The following FHL2 variants were observed in gnomAD, a reference collection of about 807,000 sequenced individuals.
FHL2 encodes four and a half LIM domains protein 2.
Under a neutral mutation model 32.7 loss-of-function variants are expected in FHL2, and 20 were observed. That is an observed-to-expected ratio of 0.61 (90% CI 0.43 to 0.89). The LOEUF (loss-of-function observed/expected upper bound fraction) is 0.89. Among genes scored for constraint, FHL2 ranks in the 40% least tolerant of loss-of-function variants. The pLI, the probability that FHL2 is intolerant of heterozygous loss-of-function variation, is 0.00. For missense variants in FHL2, 311 were observed against 358.6 expected (o/e 0.87, Z 1.07); for synonymous variants, 123 against 128.1 (o/e 0.96, Z 0.27).
intron 1 of FHL2, among the ~76,000 whole-genome samples, chr2:105,408,460 A>T (rs1683701099): frequency 1.3e-5 from 2 of 152,212 alleles, no homozygotes; most frequent in African/African-American, 4.8e-5. Flanking sequence ...TGGAACCAGC[A>T]CTTTGGCACT....
intron 4 of FHL2, among the ~76,000 whole-genome samples, chr2:105,373,248 T>C (rs566735030): frequency 5.4e-4 from 82 of 152,292 alleles, no homozygotes; most frequent in Non-Finnish European, 1.0e-3. Flanking sequence ...AAACTATCTA[T>C]GGTGGTGGGA....
At chr2:105,378,128 A>G (rs1374531599) in intron 3 of FHL2, 1 of 471,108 alleles carries the variant, frequency 2.1e-6, no homozygotes, top group East Asian at 6.9e-5. Flanking sequence ...CTGCACAGAC[A>G]TGGAAAAGCT....
At chr2:105,361,705 G>C (rs1194655383) in intron 6 of FHL2, among the ~76,000 whole-genome samples, 1 of 152,162 alleles carries the variant, frequency 6.6e-6, no homozygotes, top group Non-Finnish European at 1.5e-5. Flanking sequence ...TATTTGTTAT[G>C]TGTTTTCCCA....
chr2:105,361,895 T>C (rs966405630), intron 6 of FHL2, among the ~76,000 whole-genome samples: 2 of 152,090 alleles, frequency 1.3e-5, no homozygotes, highest in Non-Finnish European at 2.9e-5. Flanking sequence ...TAAAGTGCGA[T>C]GTGGGTGGGA....
intron 1 of FHL2, among the ~76,000 whole-genome samples, chr2:105,430,831 G>A (rs1041847085): frequency 6.6e-6 from 1 of 152,178 alleles, no homozygotes; most frequent in African/African-American, 2.4e-5. Context: ...CCATACAGAG[G>A]CCAAGATGAA....
chr2:105,409,751 T>C (rs138577602), intron 1 of FHL2, among the ~76,000 whole-genome samples: 1 of 152,330 alleles, frequency 6.6e-6, no homozygotes, highest in East Asian at 1.9e-4. Context: ...CAGGGCTGGT[T>C]GTTCTTGATT....
chr2:105,392,934 C>T (rs1682833493), intron 2 of FHL2, among the ~76,000 whole-genome samples: 1 of 148,792 alleles, frequency 6.7e-6, no homozygotes, highest in Non-Finnish European at 1.5e-5. Context: ...ATTCTCCTGT[C>T]TCAGCCTCCC....
chr2:105,386,453 G>T lies in FHL2; in HGVS notation c.64C>A (p.Arg22=). The T allele has an allele frequency of 6.2e-7, 1 of 1,614,218 alleles. No individual in the cohort carries two copies. The highest frequency in any genetic ancestry group is 8.5e-7 in the Non-Finnish European group (1 of 1,180,030). ...ESLFGKKYIL[R]EESPYCVVCF... Reference sequence around the variant, plus strand: ...ACCACGCAGTAGGGGCTCTCCTCCCGCAGGATGTACTTCTTGCCAAAGAGA... The same window carrying T: ...ACCACGCAGTAGGGGCTCTCCTCCCTCAGGATGTACTTCTTGCCAAAGAGA... The change falls in exon 3 of 7, where the codon CGG becomes AGG. Residue 22 remains arginine, a synonymous_variant. Coordinates refer to ENST00000530340, the MANE Select transcript of FHL2 (RefSeq NM_001318895.3).
intron 3 of FHL2, among the ~76,000 whole-genome samples, chr2:105,385,373 A>G (rs1219940140): frequency 6.6e-6 from 1 of 152,254 alleles, no homozygotes; most frequent in African/African-American, 2.4e-5. Flanking sequence ...AGAATGATCC[A>G]ACTGCATGCA....
chr2:105,423,367 G>C lies in FHL2; in HGVS notation c.-25+15032C>G, dbSNP rs1684162422. On this transcript the variant is annotated intron_variant, in intron 1 of 5. Coordinates refer to the FHL2 transcript ENST00000393352. ...TGGTATAATTATCTGCATTTTGCAGGAGTAGAGATTGAGGTACAAACAGAG... is the reference window on the plus strand; with the variant it reads ...TGGTATAATTATCTGCATTTTGCAGCAGTAGAGATTGAGGTACAAACAGAG... Among the ~76,000 whole-genome samples the C allele has an allele frequency of 2.0e-5, 3 of 152,302 alleles. No individual in the cohort carries two copies. In the South Asian group the frequency reaches 6.2e-4, roughly 32 times the overall value.
intron 1 of FHL2, among the ~76,000 whole-genome samples, chr2:105,424,048 C>A (rs936251053): frequency 6.6e-6 from 1 of 152,184 alleles, no homozygotes; most frequent in African/African-American, 2.4e-5. Context: ...AACTAAAGAG[C>A]TTCTGAACAG....
chr2:105,384,410 T>C (rs1682136999), intron 3 of FHL2, among the ~76,000 whole-genome samples: 1 of 152,160 alleles, frequency 6.6e-6, no homozygotes, highest in Non-Finnish European at 1.5e-5. Context: ...GTCTGGAGCT[T>C]ACCCTGTCAG....
At chr2:105,376,017 ACAT>A (rs1286467604) in intron 3 of FHL2, 1 of 152,256 alleles carries the variant, frequency 6.6e-6, no homozygotes, top group Non-Finnish European at 1.5e-5. Context: ...ATCCACATGG[ACAT>A]CATCATCGTT....
At chr2:105,435,508 G>A (rs941384693) in intron 1 of FHL2, among the ~76,000 whole-genome samples, 1 of 152,138 alleles carries the variant, frequency 6.6e-6, no homozygotes, top group Non-Finnish European at 1.5e-5. Flanking sequence ...CGTGAAAGTA[G>A]GTGGTTCCCA....
At chr2:105,366,328 C>T (rs1176117037) in intron 5 of FHL2, among the ~76,000 whole-genome samples, 1 of 152,178 alleles carries the variant, frequency 6.6e-6, no homozygotes, top group Non-Finnish European at 1.5e-5. Context: ...CAGCCAGGTA[C>T]AGGTAGCAGC....
chr2:105,408,958 A>G (rs1290440387), intron 1 of FHL2, among the ~76,000 whole-genome samples: 1 of 152,102 alleles, frequency 6.6e-6, no homozygotes, highest in African/African-American at 2.4e-5. Context: ...GGCAGAGGGG[A>G]GACCAGGCTG....
chr2:105,424,783 A>G (rs577726565), intron 1 of FHL2, among the ~76,000 whole-genome samples: 20 of 152,318 alleles, frequency 1.3e-4, no homozygotes, highest in African/African-American at 3.6e-4. Context: ...AGAAAACCAA[A>G]CACCACATGT....
intron 3 of FHL2, among the ~76,000 whole-genome samples, chr2:105,380,069 A>G (rs1681772322): frequency 6.6e-6 from 1 of 152,236 alleles, no homozygotes; most frequent in Admixed American, 6.5e-5. Context: ...GCTTCTTAAG[A>G]AAGTTCACAA....
chr2:105,388,843 A>AAC (rs1191458410), intron 2 of FHL2, among the ~76,000 whole-genome samples: 1 of 152,028 alleles, frequency 6.6e-6, no homozygotes, highest in Non-Finnish European at 1.5e-5. Flanking sequence ...CAAAAAAAAA[A>AAC]AATAGGTACA....
Sources: gnomAD v4.1 joint callset for allele counts (sites outside exome capture counted in the v4.1 genomes callset) on GRCh38, gnomAD v4.1.1 for gene constraint, MANE v1.5 for transcripts, NCBI Gene and HGNC (gene_info 2026-07-23, HGNC 2026-07-21) for gene names.